Variants in DENND1B observed in about 807,000 individuals in gnomAD.
DENND1B encodes the protein DENN domain-containing protein 1B.
In DENND1B, 59 loss-of-function variants were observed where a neutral mutation model predicts 90.1. The ratio of observed to expected loss-of-function variants is 0.65; its 90% CI spans 0.53 to 0.81. The LOEUF (loss-of-function observed/expected upper bound fraction) is 0.81. Among genes scored for constraint, DENND1B ranks in the 40% least tolerant of loss-of-function variants. The pLI is 0.00. For synonymous variants in DENND1B, 337 were observed against 324.6 expected, an observed-to-expected ratio of 1.04 and a Z score of -0.41; for missense variants, 862 against 912.6, an observed-to-expected ratio of 0.94 and a Z score of 0.71.
chr1:197,664,018 C>A (rs547025670), intron 5 of DENND1B, among the ~76,000 whole-genome samples: 2 of 151,782 alleles, frequency 1.3e-5, no homozygotes, highest in Admixed American at 6.6e-5. Flanking sequence ...CATACACACA[C>A]ACACACACAC....
At chr1:197,729,775 C>G (rs1348073271) in intron 2 of DENND1B, among the ~76,000 whole-genome samples, 1 of 152,070 alleles carries the variant, frequency 6.6e-6, no homozygotes, top group Non-Finnish European at 1.5e-5. Context: ...CTGAGGTCGT[C>G]AAAGAACTTT....
At chr1:197,756,434 G>T (rs1291242414) in intron 2 of DENND1B, among the ~76,000 whole-genome samples, 1 of 151,990 alleles carries the variant, frequency 6.6e-6, no homozygotes, top group Non-Finnish European at 1.5e-5. Context: ...AATTAGCTGG[G>T]TGTGGTGGCA....
chr1:197,568,148 C>T (rs1672848041), intron 15 of DENND1B, among the ~76,000 whole-genome samples: 1 of 151,728 alleles, frequency 6.6e-6, no homozygotes. Flanking sequence ...AACTAATAAG[C>T]AAAATCAGTA....
intron 18 of DENND1B, among the ~76,000 whole-genome samples, chr1:197,543,477 T>C (rs1382190461): frequency 1.3e-5 from 2 of 152,008 alleles, no homozygotes; most frequent in Non-Finnish European, 2.9e-5. Flanking sequence ...CAGAAGAAAA[T>C]GAAGGGCTAT....
rs1252372663 is a variant in DENND1B, at chr1:197,510,837, C to T, written c.1951G>A (p.Val651Ile). 1 of 1,611,874 alleles carries T rather than the reference C, an allele frequency of 6.2e-7. No homozygotes were observed. The highest frequency in any genetic ancestry group is 1.3e-5 in the African/African-American group (1 of 74,704). The change falls in exon 23 of 23, where the codon GTT (valine) becomes ATT (isoleucine). Residue 651 changes from valine to isoleucine, a missense_variant. Transcript: ENST00000620048. ...KHLPPSPRKR[V>I]SSSGLTDSLF... is the part of the protein sequence containing the mutation. ...GAATCTGTCAAACCACTAGAGGAAA[C>T]CCGCTTCCTAGGAGATGGAGGGAGG...
At chr1:197,575,753 T>C (rs866595020) in intron 15 of DENND1B, among the ~76,000 whole-genome samples, 10 of 152,202 alleles carry the variant, frequency 6.6e-5, no homozygotes, top group Middle Eastern at 3.4e-3. Context: ...TATGCAGCCA[T>C]AAAAAAGGAT....
chr1:197,608,097 C>A (rs1289464864), intron 12 of DENND1B, among the ~76,000 whole-genome samples: 1 of 150,482 alleles, frequency 6.6e-6, no homozygotes, highest in African/African-American at 2.4e-5. Flanking sequence ...TGGTGGTCTA[C>A]AATAATAGTC....
intron 20 of DENND1B, among the ~76,000 whole-genome samples, chr1:197,528,900 C>T (rs932988642): frequency 1.3e-5 from 2 of 151,424 alleles, no homozygotes; most frequent in African/African-American, 4.8e-5. Flanking sequence ...CAAAAGATAA[C>T]TCTTTATACC....
Position 197,765,663 on chromosome 1 carries a change from C to T in DENND1B, c.82+7205G>A, listed in dbSNP as rs149764741. On this transcript the variant is annotated intron_variant, in intron 2 of 22. Coordinates refer to ENST00000620048, the MANE Select transcript of DENND1B (RefSeq NM_001195215.2). Reference sequence around the variant, plus strand: ...TTGCACTGTGGCAACACAGCAGTGACAAAACAACAGTCTTAAAGCATACCA... The same window carrying T: ...TTGCACTGTGGCAACACAGCAGTGATAAAACAACAGTCTTAAAGCATACCA... 5.8e-3 allele frequency among the ~76,000 whole-genome samples: 889 copies of T among 152,258 alleles called. 5 individuals carry two copies. Among genetic ancestry groups the T allele is most frequent in the Non-Finnish European group, 8.5e-3 (577 of 68,010 alleles).
At chr1:197,559,280 G>T (rs1426699849) in intron 15 of DENND1B, among the ~76,000 whole-genome samples, 1 of 151,924 alleles carries the variant, frequency 6.6e-6, no homozygotes, top group African/African-American at 2.4e-5. Context: ...CATTTTAAAA[G>T]AAATATTTGA....
At chr1:197,573,861 T>A (rs1371041458) in intron 15 of DENND1B, among the ~76,000 whole-genome samples, 1 of 152,150 alleles carries the variant, frequency 6.6e-6, no homozygotes, top group Non-Finnish European at 1.5e-5. Context: ...CACATGATCA[T>A]CTCAATAGAT....
chr1:197,595,617 T>C (rs994379076), intron 13 of DENND1B, among the ~76,000 whole-genome samples: 10 of 152,244 alleles, frequency 6.6e-5, no homozygotes, highest in Middle Eastern at 6.8e-3. Context: ...AAACTGCTTG[T>C]GAGCCACATT....
At chr1:197,684,041 G>A (rs575599570) in intron 3 of DENND1B, among the ~76,000 whole-genome samples, 9 of 152,292 alleles carry the variant, frequency 5.9e-5, no homozygotes, top group African/African-American at 2.2e-4. Context: ...CTGAACTCAT[G>A]TAAAACGACA....
At chr1:197,596,350 C>A (rs1220244575) in intron 13 of DENND1B, among the ~76,000 whole-genome samples, 1 of 151,988 alleles carries the variant, frequency 6.6e-6, no homozygotes, top group Non-Finnish European at 1.5e-5. Flanking sequence ...ATCCAATTCA[C>A]TGTACCAATT....
At chr1:197,512,772 G>A in intron 21 of DENND1B, 99 bp downstream of exon 21, 1 of 1,039,162 alleles carries the variant, frequency 9.6e-7, no homozygotes, top group Non-Finnish European at 1.4e-6. Context: ...GGCAACATCT[G>A]AGCTCTAAGA....
chr1:197,540,215 G>A (rs1269626941), intron 19 of DENND1B, 144 bp from the exon 20 acceptor site: 2 of 385,304 alleles, frequency 5.2e-6, no homozygotes, highest in African/African-American at 4.2e-5. Context: ...TATTTAAGAA[G>A]AAAATGCATT....
chr1:197,718,954 G>C (rs765133589), intron 2 of DENND1B, among the ~76,000 whole-genome samples: 2 of 152,122 alleles, frequency 1.3e-5, no homozygotes, highest in African/African-American at 2.4e-5. Flanking sequence ...AATGCAGCTA[G>C]AGTGTGTGTT....
chr1:197,558,104 T>C (rs1259158229), intron 15 of DENND1B, among the ~76,000 whole-genome samples: 1 of 151,782 alleles, frequency 6.6e-6, no homozygotes, highest in Non-Finnish European at 1.5e-5. Flanking sequence ...CGATATAACA[T>C]AAAATTAGGT....
At chr1:197,720,068 A>G (rs1661015200) in intron 2 of DENND1B, among the ~76,000 whole-genome samples, 1 of 151,878 alleles carries the variant, frequency 6.6e-6, no homozygotes, top group African/African-American at 2.4e-5. Flanking sequence ...TCTCCCTCAG[A>G]CTCTCTAGGT....
Sources: gnomAD v4.1 joint callset for allele counts (sites outside exome capture counted in the v4.1 genomes callset) on GRCh38, gnomAD v4.1.1 for gene constraint, MANE v1.5 for transcripts, NCBI Gene and HGNC (gene_info 2026-07-23, HGNC 2026-07-21) for gene names.